Variants in DHRS3 observed in about 807,000 individuals in gnomAD.
DHRS3 encodes the protein dehydrogenase/reductase 3, also known as short-chain dehydrogenase/reductase 3.
DHRS3 carries 14 observed loss-of-function variants against 27.2 expected under a neutral mutation model. The observed-to-expected ratio is 0.52, with a 90% CI of 0.34 to 0.81. The LOEUF (loss-of-function observed/expected upper bound fraction) is 0.81, where lower values mean the gene tolerates loss of function less well. DHRS3 is among the 30% of genes least tolerant of loss of function. The pLI is 0.01. For synonymous variants in DHRS3, 165 were observed against 175.9 expected, an observed-to-expected ratio of 0.94 and a Z score of 0.49; for missense variants, 322 against 406.2, an observed-to-expected ratio of 0.79 and a Z score of 1.78.
intron 1 of DHRS3, among the ~76,000 whole-genome samples, chr1:12,615,807 T>C (rs567308488): frequency 1.3e-5 from 2 of 152,216 alleles, no homozygotes; most frequent in Non-Finnish European, 2.9e-5. Context: ...AGAACAACTC[T>C]GACTTCCCCT....
In DHRS3 at chr1:12,578,782, C is replaced by G; in HGVS notation, c.634G>C (p.Val212Leu). 6.2e-7 allele frequency: 1 copy of G among 1,614,112 alleles called. No homozygotes were observed. ...AAGGGCAGCACTGTGGTGGCGCTGA[C>G]TCCCGGACAGTCCAGCAGCCCCAGG... ...LTLGLLDCPG[V>L]SATTVLPFHT... Residue 212 changes from valine to leucine, a missense_variant, in exon 4 of 6, where the codon GTC becomes CTC. By Grantham distance (32) the Val-to-Leu change is conservative (BLOSUM62 1). Coordinates refer to ENST00000616661, the MANE Select transcript of DHRS3 (RefSeq NM_004753.7). This position sits in a 1 kb window ranked among gnomAD's most constrained non-coding sequence, Gnocchi z 4.5.
intron 4 of DHRS3, among the ~76,000 whole-genome samples, chr1:12,575,576 G>A (rs1570356715): frequency 6.6e-6 from 1 of 152,226 alleles, no homozygotes; most frequent in East Asian, 1.9e-4. Flanking sequence ...TTCTGGCCGA[G>A]CCCTTGGGGC....
chr1:12,612,428 C>T (rs755364206), intron 1 of DHRS3, among the ~76,000 whole-genome samples: 3 of 152,208 alleles, frequency 2.0e-5, no homozygotes, highest in Non-Finnish European at 2.9e-5. Flanking sequence ...TTCCTCTTCC[C>T]TCCCGCAATT....
At chr1:12,611,934 A>AAAATAAATAAATAAACAAAT (rs1553143102) in intron 1 of DHRS3, among the ~76,000 whole-genome samples, 6 of 144,744 alleles carry the variant, frequency 4.1e-5, no homozygotes, top group African/African-American at 1.5e-4. Flanking sequence ...CTCTATTTTT[A>AAAATAAATAAATAAACAAAT]AAATAAATAA....
chr1:12,610,336 C>G (rs1198277383), intron 1 of DHRS3, among the ~76,000 whole-genome samples: 1 of 151,922 alleles, frequency 6.6e-6, no homozygotes, highest in East Asian at 1.9e-4. Context: ...AAGTGTTCCG[C>G]CTGCCTTAGC....
In DHRS3 at chr1:12,567,925, CTCTT is replaced by C. The variant is rs2100631861; in HGVS notation, c.*411_*414del. ...ACAAAGGAAATCACAAAAGCCATCT[CTCTT>C]TATTTTTCATTCCTGCCGTTCAACC... On this transcript the variant is annotated 3_prime_UTR_variant, in exon 6 of 6. Coordinates refer to ENST00000616661, the MANE Select transcript of DHRS3 (RefSeq NM_004753.7). 6.0e-6 allele frequency: 1 copy of C among 165,638 alleles called. No homozygotes were observed. The highest frequency in any genetic ancestry group is 1.7e-4 in the East Asian group (1 of 5,840). 10.3% of individuals were successfully genotyped at this position (165,638 alleles called of 1,614,324 possible).
At chr1:12,603,271 T>A (rs899370510) in intron 1 of DHRS3, among the ~76,000 whole-genome samples, 8 of 152,166 alleles carry the variant, frequency 5.3e-5, no homozygotes, top group Admixed American at 2.0e-4. Flanking sequence ...GGAGGTGTCA[T>A]TAAAGAGGGG....
intron 1 of DHRS3, among the ~76,000 whole-genome samples, chr1:12,585,765 G>T (rs1432111197): frequency 6.6e-6 from 1 of 152,234 alleles, no homozygotes; most frequent in Admixed American, 6.5e-5. Flanking sequence ...ACAGCTGACA[G>T]GACAAGGGTC....
At chr1:12,610,728 C>A (rs866597594) in intron 1 of DHRS3, among the ~76,000 whole-genome samples, 1 of 152,190 alleles carries the variant, frequency 6.6e-6, no homozygotes, top group African/African-American at 2.4e-5. Flanking sequence ...TTTCTCATTT[C>A]CAATGGGCTT....
intron 5 of DHRS3, among the ~76,000 whole-genome samples, chr1:12,570,761 G>C (rs374169336): frequency 6.6e-6 from 1 of 152,204 alleles, no homozygotes; most frequent in Non-Finnish European, 1.5e-5. Flanking sequence ...TGATCAACTA[G>C]GGGCTCCTAG....
At chr1:12,577,805 G>A (rs1646603764) in intron 4 of DHRS3, among the ~76,000 whole-genome samples, 2 of 152,206 alleles carry the variant, frequency 1.3e-5, no homozygotes, top group Non-Finnish European at 1.5e-5. Flanking sequence ...CCTGGGCAAC[G>A]GAGCGAAACT....
At chr1:12,569,209 C>CTG in intron 5 of DHRS3, among the ~76,000 whole-genome samples, 1 of 138 alleles carries the variant, frequency 7.2e-3, no homozygotes, top group Non-Finnish European at 0.033. Context: ...AAGAGTAAAA[C>CTG]TCTGTCCCCT....
intron 2 of DHRS3, 30 bp downstream of exon 2, chr1:12,580,493 G>A: frequency 6.2e-7 from 1 of 1,614,052 alleles, no homozygotes; most frequent in Non-Finnish European, 8.5e-7. Context: ...GGTCAGCTGT[G>A]CTAGGAATAG....
intron 1 of DHRS3, among the ~76,000 whole-genome samples, chr1:12,613,631 G>A (rs1646924713): frequency 6.6e-6 from 1 of 152,210 alleles, no homozygotes; most frequent in African/African-American, 2.4e-5. Context: ...TCCTGGCTGG[G>A]TGCTGTAGGA....
chr1:12,600,184 G>C (rs578134890), intron 1 of DHRS3, among the ~76,000 whole-genome samples: 1 of 152,124 alleles, frequency 6.6e-6, no homozygotes, highest in South Asian at 2.1e-4. Flanking sequence ...CCTTGTGAAA[G>C]AAAGAACCGC....
chr1:12,585,721 T>G (rs1646691855), intron 1 of DHRS3, among the ~76,000 whole-genome samples: 1 of 152,162 alleles, frequency 6.6e-6, no homozygotes, highest in African/African-American at 2.4e-5. Context: ...CCCGCCCAGG[T>G]GGCTCCTGCC....
chr1:12,568,918 C>T (rs1013825222), intron 5 of DHRS3, among the ~76,000 whole-genome samples: 1 of 151,932 alleles, frequency 6.6e-6, no homozygotes, highest in Non-Finnish European at 1.5e-5. Context: ...CAGAGCCAGA[C>T]CCTGTCTCAA....
At position 12,580,271 on chromosome 1, in the gene DHRS3, C is replaced by G. The variant is rs370315471; in HGVS notation, c.339+252G>C. 3.1e-5 allele frequency: 16 copies of G among 516,388 alleles called. 1 individual carries two copies. The highest frequency in any genetic ancestry group is 2.2e-4 in the East Asian group (6 of 27,904). 32.0% of individuals were successfully genotyped at this position (516,388 alleles called of 1,614,324 possible). A position where few individuals can be genotyped will look rare whatever the true frequency, so the allele number is the denominator to read the frequency against. ...GGCCAATGGGACATTTGCCCCGCCACAGTCCTGGAGAGAAACCCACACGGT... is the reference window on the plus strand; with the variant it reads ...GGCCAATGGGACATTTGCCCCGCCAGAGTCCTGGAGAGAAACCCACACGGT... On this transcript the variant is annotated intron_variant, in intron 2 of 5. Transcript: ENST00000616661.
chr1:12,601,876 G>A (rs1047745105), intron 1 of DHRS3, among the ~76,000 whole-genome samples: 16 of 152,246 alleles, frequency 1.1e-4, no homozygotes, highest in African/African-American at 3.6e-4. Context: ...CTTGTGACGT[G>A]TCAGGGCTTA....
Sources: allele counts gnomAD v4.1 joint callset (sites outside exome capture counted in the v4.1 genomes callset), GRCh38; gene constraint gnomAD v4.1.1; non-coding constraint Gnocchi (gnomAD v3.1); transcripts MANE v1.5; gene names NCBI Gene and HGNC (gene_info 2026-07-23, HGNC 2026-07-21).